KCNH8: variants seen among roughly 807,000 people sequenced by gnomAD.
KCNH8 encodes voltage-gated delayed rectifier potassium channel KCNH8.
KCNH8 carries 70 observed loss-of-function variants against 103.6 expected under a neutral mutation model. The observed-to-expected ratio is 0.68, with a 90% CI of 0.56 to 0.82. KCNH8 has a LOEUF of 0.82. Ranked by LOEUF, KCNH8 falls within the 40% of genes least tolerant of loss-of-function variation. KCNH8 has a pLI of 0.00. For synonymous variants in KCNH8, 498 were observed against 489.4 expected (o/e 1.02, Z -0.23); for missense variants, 1,217 against 1,329.9 (o/e 0.92, Z 1.32).
chr3:19,261,352 A>G (rs551512362), intron 2 of KCNH8, among the ~76,000 whole-genome samples: 13 of 151,940 alleles, frequency 8.6e-5, no homozygotes, highest in African/African-American at 3.1e-4. Flanking sequence ...ATGATTAGTG[A>G]TGTGGAACAC....
intron 11 of KCNH8, among the ~76,000 whole-genome samples, chr3:19,499,600 C>T (rs1031543621): frequency 6.6e-6 from 1 of 152,206 alleles, no homozygotes; most frequent in Non-Finnish European, 1.5e-5. Flanking sequence ...TCGGCAGAAA[C>T]TCTACAGGCC....
At chr3:19,489,111 G>A (rs1019239199) in intron 11 of KCNH8, among the ~76,000 whole-genome samples, 13 of 152,268 alleles carry the variant, frequency 8.5e-5, no homozygotes, top group African/African-American at 2.9e-4. Context: ...AAGCTGCCAA[G>A]GGAGGAGTTT....
chr3:19,336,541 A>G (rs2065587879), intron 3 of KCNH8, among the ~76,000 whole-genome samples: 1 of 152,032 alleles, frequency 6.6e-6, no homozygotes. Context: ...CATTAACATT[A>G]TTAATGTATT....
At chr3:19,268,062 G>A (rs2064537479) in intron 2 of KCNH8, among the ~76,000 whole-genome samples, 1 of 152,110 alleles carries the variant, frequency 6.6e-6, no homozygotes. Flanking sequence ...TCTGAGCACA[G>A]AGTTTAGAAT....
At chr3:19,466,718 C>A (rs1177104606) in intron 11 of KCNH8, among the ~76,000 whole-genome samples, 2 of 120,122 alleles carry the variant, frequency 1.7e-5, no homozygotes, top group African/African-American at 3.2e-5. Context: ...GGCTGGAGTG[C>A]AATGACACGA....
chr3:19,339,817 G>A (rs1374162176), intron 3 of KCNH8, among the ~76,000 whole-genome samples: 1 of 151,930 alleles, frequency 6.6e-6, no homozygotes, highest in Non-Finnish European at 1.5e-5. Flanking sequence ...TGGAGGTGGG[G>A]GTAATTAAAG....
intron 1 of KCNH8, among the ~76,000 whole-genome samples, chr3:19,238,809 A>T (rs2064097659): frequency 1.3e-5 from 2 of 152,224 alleles, no homozygotes; most frequent in South Asian, 4.1e-4. Context: ...ATTTGGTACA[A>T]GTCTTCAAGA....
chr3:19,276,440 T>C (rs1164746037), intron 2 of KCNH8, among the ~76,000 whole-genome samples: 6 of 152,122 alleles, frequency 3.9e-5, no homozygotes, highest in African/African-American at 1.4e-4. Flanking sequence ...GTTATGTATT[T>C]ATCATTAAAA....
intron 9 of KCNH8, 45 bp from the exon 10 acceptor site, chr3:19,451,110 C>G: frequency 6.2e-7 from 1 of 1,603,500 alleles, no homozygotes; most frequent in Non-Finnish European, 8.5e-7. Flanking sequence ...ATCAGTTAGA[C>G]TACACTTACC....
intron 7 of KCNH8, among the ~76,000 whole-genome samples, chr3:19,417,788 G>C (rs2066885915): frequency 6.6e-6 from 1 of 152,044 alleles, no homozygotes; most frequent in African/African-American, 2.4e-5. Flanking sequence ...AACAGAAAAA[G>C]AACCAAGGCT....
chr3:19,324,626 T>C (rs904685236), intron 3 of KCNH8, among the ~76,000 whole-genome samples: 1 of 152,116 alleles, frequency 6.6e-6, no homozygotes, highest in African/African-American at 2.4e-5. Context: ...GAATACAGCT[T>C]GCTAGGGGGG....
intron 11 of KCNH8, among the ~76,000 whole-genome samples, chr3:19,473,187 A>G (rs1575108953): frequency 6.6e-6 from 1 of 152,356 alleles, no homozygotes; most frequent in South Asian, 2.1e-4. Context: ...TCTGCCACAA[A>G]TCAGAGAGAA....
rs1553589301 is a variant in KCNH8, at chr3:19,397,538, CAT to C, written c.1177+2238_1177+2239del. ...ATATATACGTGTGTATATATACACA[CAT>C]ATATATATATGTGTGTATATATACA... On this transcript the variant is annotated intron_variant, in intron 7 of 15. Transcript: ENST00000328405. 1.1e-3 allele frequency among the ~76,000 whole-genome samples: 161 copies of C among 149,142 alleles called. 1 individual carries two copies. Among genetic ancestry groups the C allele is most frequent in the East Asian group, 5.6e-3 (28 of 4,974 alleles).
intron 11 of KCNH8, among the ~76,000 whole-genome samples, chr3:19,460,571 T>G (rs1235254890): frequency 6.6e-6 from 1 of 152,162 alleles, no homozygotes; most frequent in Non-Finnish European, 1.5e-5. Flanking sequence ...TATCTTACAA[T>G]GAAATAGCAA....
Position 19,498,835 on chromosome 3 carries a change from C to G in KCNH8, c.2041-11528C>G, listed in dbSNP as rs141138550. Among the ~76,000 whole-genome samples, 508 of 152,090 alleles carry G rather than the reference C, an allele frequency of 3.3e-3. 1 individual carries two copies. The highest frequency in any genetic ancestry group is 0.011 in the African/African-American group (466 of 41,432). On this transcript the variant is annotated intron_variant, in intron 11 of 15. Transcript: ENST00000328405. ...TCAGCTGCAGGTCTGCTGGAGTACCCGGCCGTATGAGGTGTCAGTCTGCCC... is the reference window on the plus strand; with the variant it reads ...TCAGCTGCAGGTCTGCTGGAGTACCGGGCCGTATGAGGTGTCAGTCTGCCC...
intron 1 of KCNH8, among the ~76,000 whole-genome samples, chr3:19,239,684 A>ATCTG (rs2064113559): frequency 6.6e-6 from 1 of 151,542 alleles, no homozygotes; most frequent in African/African-American, 2.4e-5. Flanking sequence ...CTATCTATCT[A>ATCTG]CCTACCTACC....
At chr3:19,230,539 A>G (rs1327742220) in intron 1 of KCNH8, among the ~76,000 whole-genome samples, 2 of 152,244 alleles carry the variant, frequency 1.3e-5, no homozygotes, top group Non-Finnish European at 2.9e-5. Context: ...AGATAGTTTT[A>G]GATATTTGTG....
intron 5 of KCNH8, among the ~76,000 whole-genome samples, chr3:19,377,199 T>C (rs972731487): frequency 1.3e-5 from 2 of 152,150 alleles, no homozygotes; most frequent in South Asian, 4.1e-4. Flanking sequence ...ATAAAAGATA[T>C]TAGTGGCAAG....
intron 11 of KCNH8, among the ~76,000 whole-genome samples, chr3:19,503,958 T>C (rs182589497): frequency 1.4e-4 from 21 of 151,906 alleles, no homozygotes; most frequent in Admixed American, 5.9e-4. Flanking sequence ...AAAATTACTT[T>C]CTTTAAGAAT....
Sources: gnomAD v4.1 joint callset for allele counts (sites outside exome capture counted in the v4.1 genomes callset) on GRCh38, gnomAD v4.1.1 for gene constraint, MANE v1.5 for transcripts, NCBI Gene and HGNC (gene_info 2026-07-23, HGNC 2026-07-21) for gene names.